DEFB114: variants seen among roughly 807,000 people sequenced by gnomAD.
The protein encoded by DEFB114 is beta-defensin 114.
DEFB114 carries 4 observed loss-of-function variants against 2.4 expected under a neutral mutation model. That is an observed-to-expected ratio of 1.67 (90% CI 0.82 to 3.82). DEFB114 has a LOEUF of 3.82. DEFB114 is among the 30% of genes most tolerant of loss of function. DEFB114 has a pLI of 0.01. For missense variants in DEFB114, 113 were observed against 85.8 expected, an observed-to-expected ratio of 1.32 and a Z score of -1.25; for synonymous variants, 35 against 24.6, an observed-to-expected ratio of 1.42 and a Z score of -1.26.
chr6:49,961,314 A>G (rs1773456519), intron 1 of DEFB114, among the ~76,000 whole-genome samples: 1 of 150,618 alleles, frequency 6.6e-6, no homozygotes, highest in East Asian at 1.9e-4. Context: ...TCATCATAGT[A>G]TTTTATTTAT....
chr6:49,963,368 T>A (rs1467165714), intron 1 of DEFB114, among the ~76,000 whole-genome samples: 1 of 150,148 alleles, frequency 6.7e-6, no homozygotes, highest in Non-Finnish European at 1.5e-5. Flanking sequence ...GTTAGTCTTT[T>A]CAAAAAACAA....
chr6:49,960,863 A>T (rs1453383586), intron 1 of DEFB114, among the ~76,000 whole-genome samples: 1 of 150,910 alleles, frequency 6.6e-6, no homozygotes, highest in Non-Finnish European at 1.5e-5. Flanking sequence ...ATATATCCTT[A>T]TGATAGTTGT....
intron 1 of DEFB114, among the ~76,000 whole-genome samples, chr6:49,961,413 T>C (rs1773457800): frequency 6.6e-6 from 1 of 150,792 alleles, no homozygotes; most frequent in Non-Finnish European, 1.5e-5. Context: ...TATTCCACAC[T>C]ATTTATTAAA....
intron 1 of DEFB114, among the ~76,000 whole-genome samples, chr6:49,962,006 T>A (rs1237570891): frequency 6.6e-6 from 1 of 150,694 alleles, no homozygotes; most frequent in East Asian, 1.9e-4. Context: ...TACGACATTT[T>A]AGCCTTATCT....
chr6:49,963,531 G>T (rs1159949318), intron 1 of DEFB114, among the ~76,000 whole-genome samples: 3 of 149,314 alleles, frequency 2.0e-5, no homozygotes. Context: ...ATTCTTTTTA[G>T]ATATATGGAT....
chr6:49,961,894 G>C (rs1455132965), intron 1 of DEFB114, among the ~76,000 whole-genome samples: 2 of 150,626 alleles, frequency 1.3e-5, no homozygotes, highest in African/African-American at 4.9e-5. Context: ...TTTTACATCT[G>C]ATTTTATTCA....
intron 1 of DEFB114, among the ~76,000 whole-genome samples, chr6:49,961,012 G>C (rs893300713): frequency 6.7e-6 from 1 of 150,228 alleles, no homozygotes; most frequent in African/African-American, 2.4e-5. Context: ...ATGCTTTGTT[G>C]ATTATATAAC....
intron 1 of DEFB114, among the ~76,000 whole-genome samples, chr6:49,961,149 G>C (rs1773453945): frequency 1.3e-5 from 2 of 150,210 alleles, no homozygotes; most frequent in Admixed American, 6.7e-5. Flanking sequence ...GTTAGTTATG[G>C]ATTTTAAACA....
At position 49,961,998 on chromosome 6, in the gene DEFB114, C is replaced by A. The variant is rs187947989; in HGVS notation, c.56-1552G>T. Among the ~76,000 whole-genome samples the A allele has an allele frequency of 2.0e-5, 3 of 150,450 alleles. No homozygotes were observed. In the East Asian group the frequency reaches 5.8e-4, roughly 29 times the overall value. ...TATAGTGGACTGTTACATACATATA[C>A]GACATTTTAGCCTTATCTGCTGATG... On this transcript the variant is annotated intron_variant, in intron 1 of 1. Coordinates refer to ENST00000322066, the MANE Select transcript of DEFB114 (RefSeq NM_001037499.2).
In DEFB114 at chr6:49,961,507, A is replaced by T. The variant is rs1378063654; in HGVS notation, c.56-1061T>A. 2.6e-5 allele frequency among the ~76,000 whole-genome samples: 4 copies of T among 150,978 alleles called. No homozygotes were observed. In the East Asian group the frequency reaches 7.8e-4, roughly 29 times the overall value. On this transcript the variant is annotated intron_variant, in intron 1 of 1. Transcript: ENST00000322066. ...AACTCACAAACTCTAGATCTCTTTC[A>T]GCTATCAATTGCATTTTATGAATAT...
Position 49,960,420 on chromosome 6 carries a change from G to A in DEFB114, c.82C>T (p.Arg28Cys), listed in dbSNP as rs752246175. 6.9e-6 allele frequency: 11 copies of A among 1,603,684 alleles called. No homozygotes were observed. Among genetic ancestry groups the A allele is most frequent in the Middle Eastern group, 1.7e-4 (1 of 6,006 alleles). ...PATCTLVNAD[R>C]CTKRYGRCKR... ...CAACGACCGTAACGTTTGGTGCAAC[G>A]ATCAGCATTCACCAAGGTACATGTG... The change falls in exon 2 of 2, where the codon CGT becomes TGT. Residue 28 changes from arginine (R) to cysteine (C), a missense_variant. Physicochemically the swap from Arg to Cys is radical, Grantham distance 180 (BLOSUM62 -3). Transcript: ENST00000322066.
At chr6:49,960,932 C>G (rs1460714275) in intron 1 of DEFB114, among the ~76,000 whole-genome samples, 1 of 150,656 alleles carries the variant, frequency 6.6e-6, no homozygotes, top group East Asian at 1.9e-4. Context: ...ATTTTTGCCC[C>G]ATTGCAATTT....
Position 49,960,620 on chromosome 6 carries a change from A to G in DEFB114, c.56-174T>C, listed in dbSNP as rs191577669. On this transcript the variant is annotated intron_variant, in intron 1 of 1. Coordinates refer to ENST00000322066, the MANE Select transcript of DEFB114 (RefSeq NM_001037499.2). ...TATAACTATCTTATACCCCAAATATATATAACTATCTTATACCCCATGTAT... is the reference window on the plus strand; with the variant it reads ...TATAACTATCTTATACCCCAAATATGTATAACTATCTTATACCCCATGTAT... Among the ~76,000 whole-genome samples the G allele has an allele frequency of 8.6e-5, 13 of 151,120 alleles. No homozygotes were observed. The East Asian group carries it at 2.3e-3, about 27-fold the overall frequency.
At chr6:49,960,533 G>T in intron 1 of DEFB114, 87 bp from the exon 2 acceptor site, 4 of 1,367,056 alleles carry the variant, frequency 2.9e-6, no homozygotes, top group Non-Finnish European at 3.9e-6. Context: ...TGTGTACATT[G>T]TATCAAGTTT....
intron 1 of DEFB114, among the ~76,000 whole-genome samples, chr6:49,963,453 CTG>C (rs1773494715): frequency 1.3e-5 from 2 of 149,716 alleles, no homozygotes; most frequent in African/African-American, 4.9e-5. Context: ...ATGTTTGTAA[CTG>C]TCATTTTAAT....
intron 1 of DEFB114, among the ~76,000 whole-genome samples, chr6:49,961,448 A>T (rs949987186): frequency 1.3e-5 from 2 of 150,642 alleles, no homozygotes; most frequent in Admixed American, 6.6e-5. Context: ...TCTTTAAATG[A>T]TTTTCACTGT....
At chr6:49,961,574 G>C (rs1373045749) in intron 1 of DEFB114, among the ~76,000 whole-genome samples, 1 of 150,734 alleles carries the variant, frequency 6.6e-6, no homozygotes, top group Non-Finnish European at 1.5e-5. Context: ...GATTACAAAA[G>C]TGTGTAATAG....
intron 1 of DEFB114, among the ~76,000 whole-genome samples, chr6:49,961,141 T>G (rs917733220): frequency 6.0e-5 from 9 of 150,776 alleles, no homozygotes; most frequent in Non-Finnish European, 1.2e-4. Context: ...TTTATATTGT[T>G]AGTTATGGAT....
In DEFB114 at chr6:49,964,047, T is replaced by G; in HGVS notation, c.55+4A>C. The G allele has an allele frequency of 6.4e-7, 1 of 1,572,480 alleles. No homozygotes were observed. Among genetic ancestry groups the G allele is most frequent in the Non-Finnish European group, 8.7e-7 (1 of 1,152,026 alleles). ...CACAAATATAACAGAGACATCTATC[T>G]TACCTGGTAGAATGAAGGTCACATA... On this transcript the variant is annotated splice_donor_region_variant and intron_variant, in intron 1 of 1. Transcript: ENST00000322066.
Sources: gnomAD v4.1 joint callset for allele counts (sites outside exome capture counted in the v4.1 genomes callset) on GRCh38, gnomAD v4.1.1 for gene constraint, MANE v1.5 for transcripts, NCBI Gene and HGNC (gene_info 2026-07-23, HGNC 2026-07-21) for gene names.